CPVL: variants seen among roughly 807,000 people sequenced by gnomAD.
The protein encoded by CPVL is carboxypeptidase vitellogenic like.
Under a neutral mutation model 63.7 loss-of-function variants are expected in CPVL, and 51 were observed. The ratio of observed to expected loss-of-function variants is 0.80; its 90% CI spans 0.64 to 1.01. The LOEUF is 1.01. CPVL is among the 50% of genes least tolerant of loss of function. CPVL has a pLI of 0.00. For missense variants in CPVL, 530 were observed against 573.1 expected, an observed-to-expected ratio of 0.92 and a Z score of 0.77; for synonymous variants, 195 against 206.0, an observed-to-expected ratio of 0.95 and a Z score of 0.46.
intron 7 of CPVL, among the ~76,000 whole-genome samples, chr7:29,075,843 TTGAG>T (rs1477519669): frequency 6.6e-6 from 1 of 152,060 alleles, no homozygotes; most frequent in Non-Finnish European, 1.5e-5. Context: ...ATTCCATTGG[TTGAG>T]TGACTCAGGC....
At chr7:29,171,327 C>G (rs1172625370) in intron 5 of CPVL, among the ~76,000 whole-genome samples, 2 of 152,192 alleles carry the variant, frequency 1.3e-5, no homozygotes, top group Non-Finnish European at 2.9e-5. Context: ...GAAGAACAAC[C>G]TGTAAACTGG....
At chr7:29,008,246 T>A (rs997305727) in intron 12 of CPVL, among the ~76,000 whole-genome samples, 1 of 152,120 alleles carries the variant, frequency 6.6e-6, no homozygotes, top group East Asian at 1.9e-4. Flanking sequence ...AGAGTTAAGG[T>A]TGGGAAAGGA....
chr7:29,146,930 G>C, upstream of CPVL: 2 of 1,551,150 alleles, frequency 1.3e-6, no homozygotes, highest in Non-Finnish European at 1.7e-6. Flanking sequence ...ACACACGTTC[G>C]CTGATGGTCT....
At chr7:29,090,118 C>T (rs1048262118) in intron 6 of CPVL, among the ~76,000 whole-genome samples, 1 of 152,204 alleles carries the variant, frequency 6.6e-6, no homozygotes, top group African/African-American at 2.4e-5. Context: ...CTGCCTCGGC[C>T]TCCCAAAGTG....
At chr7:29,112,682 G>A in intron 3 of CPVL, 22 bp downstream of exon 3, 1 of 1,530,796 alleles carries the variant, frequency 6.5e-7, no homozygotes, top group Non-Finnish European at 9.1e-7. Flanking sequence ...GAACACTGGT[G>A]TTCTTTCTGT....
In CPVL at chr7:28,995,686, AT is replaced by A. The variant is rs1783984154; in HGVS notation, c.*85del. The A allele has an allele frequency of 1.1e-5, 9 of 807,418 alleles. No individual in the cohort carries two copies. The highest frequency in any genetic ancestry group is 6.0e-6 in the Non-Finnish European group (3 of 504,060). The allele number at this position is 807,418 out of a possible 1,614,324, so 50.0% of individuals were successfully genotyped here. A position where few individuals can be genotyped will look rare whatever the true frequency, so the allele number is the denominator to read the frequency against. ...AAAATCTTGCAGATATGAAAAGATA[AT>A]TTTTTTATTCCTATGACATTTTCTG... On this transcript the variant is annotated 3_prime_UTR_variant, in exon 13 of 13. Coordinates refer to ENST00000265394, the MANE Select transcript of CPVL (RefSeq NM_031311.5).
intron 1 of CPVL, among the ~76,000 whole-genome samples, chr7:29,137,952 G>A (rs1306439788): frequency 6.6e-6 from 1 of 152,174 alleles, no homozygotes; most frequent in African/African-American, 2.4e-5. Context: ...CTAGTGACTA[G>A]GAACTACTGA....
At chr7:29,174,956 A>T (rs1430470667) in intron 5 of CPVL, among the ~76,000 whole-genome samples, 4 of 152,154 alleles carry the variant, frequency 2.6e-5, no homozygotes, top group African/African-American at 9.7e-5. Flanking sequence ...AATGAAAAAT[A>T]TAAAAATTGT....
intron 5 of CPVL, among the ~76,000 whole-genome samples, chr7:29,154,530 A>G (rs547470171): frequency 6.6e-6 from 1 of 152,218 alleles, no homozygotes; most frequent in South Asian, 2.1e-4. Flanking sequence ...CCTGATCGAT[A>G]TTTAAAGAAG....
At chr7:29,161,135 GA>G (rs1405753897) in intron 5 of CPVL, among the ~76,000 whole-genome samples, 1 of 152,128 alleles carries the variant, frequency 6.6e-6, no homozygotes, top group Non-Finnish European at 1.5e-5. Context: ...TGATGAGCAA[GA>G]TAGAGGAAGG....
upstream of CPVL, among the ~76,000 whole-genome samples, chr7:29,149,577 G>A (rs1418641988): frequency 2.0e-5 from 3 of 152,162 alleles, no homozygotes; most frequent in African/African-American, 7.2e-5. Context: ...AGGAGTATGT[G>A]CTTTCCAGGG....
chr7:29,055,220 G>A (rs1790611073), intron 11 of CPVL, among the ~76,000 whole-genome samples: 1 of 151,930 alleles, frequency 6.6e-6, no homozygotes, highest in African/African-American at 2.4e-5. Flanking sequence ...AAATCTGAGA[G>A]ACTGTAAACA....
At chr7:29,020,778 T>TAAAAATTGGTTCTTTGAAAAGAA (rs1418337501) in intron 12 of CPVL, among the ~76,000 whole-genome samples, 1 of 152,214 alleles carries the variant, frequency 6.6e-6, no homozygotes, top group East Asian at 1.9e-4. Context: ...AAAATAAAGA[T>TAAAAATTGGTTCTTTGAAAAGAA]AAAAATTGGT....
At chr7:29,034,761 A>G (rs182830748) in intron 11 of CPVL, among the ~76,000 whole-genome samples, 5 of 151,714 alleles carry the variant, frequency 3.3e-5, no homozygotes, top group Non-Finnish European at 1.5e-5. Context: ...GCTGCTCTCA[A>G]ACTTCTGGGC....
At chr7:29,028,193 G>A (rs1787679312) in intron 12 of CPVL, among the ~76,000 whole-genome samples, 1 of 152,172 alleles carries the variant, frequency 6.6e-6, no homozygotes, top group Admixed American at 6.5e-5. Flanking sequence ...ATACACTGGG[G>A]AAAGGACACC....
intron 12 of CPVL, among the ~76,000 whole-genome samples, chr7:29,022,346 C>T (rs1463157007): frequency 6.6e-6 from 1 of 152,204 alleles, no homozygotes. Context: ...GCCGACCTAC[C>T]ACCCCCACTG....
intron 12 of CPVL, among the ~76,000 whole-genome samples, chr7:29,019,745 G>A (rs1215538364): frequency 6.6e-6 from 1 of 152,192 alleles, no homozygotes; most frequent in Non-Finnish European, 1.5e-5. Context: ...AAACCTCACA[G>A]AGAATGCCTT....
In CPVL at chr7:29,057,672, G is replaced by A. The variant is rs1199177795; in HGVS notation, c.1137+6389C>T. On this transcript the variant is annotated intron_variant, in intron 11 of 12. Transcript: ENST00000265394. ...TACAATCCATTCAGAGAACATTTTT[G>A]TGAGGGGTGTAAGATCTGTGTCTAT... Among the ~76,000 whole-genome samples, 6 of 152,084 alleles carry A rather than the reference G, an allele frequency of 3.9e-5. No homozygotes were observed. The East Asian group carries it at 1.2e-3, about 29-fold the overall frequency.
upstream of CPVL, among the ~76,000 whole-genome samples, chr7:29,149,448 C>T (rs975015294): frequency 9.2e-5 from 14 of 152,104 alleles, no homozygotes; most frequent in African/African-American, 2.9e-4. Context: ...CCTGCCTTGG[C>T]CTCCCAAAGT....
Sources: allele counts gnomAD v4.1 joint callset (sites outside exome capture counted in the v4.1 genomes callset), GRCh38; gene constraint gnomAD v4.1.1; transcripts MANE v1.5; gene names NCBI Gene and HGNC (gene_info 2026-07-23, HGNC 2026-07-21).